The following RAB11FIP4 variants were observed in gnomAD, a reference collection of about 807,000 sequenced individuals.
The protein encoded by RAB11FIP4 is RAB11 family interacting protein 4, also known as rab11 family-interacting protein 4.
RAB11FIP4 carries 23 observed loss-of-function variants against 74.3 expected under a neutral mutation model. The observed-to-expected ratio is 0.31, with a 90% CI of 0.22 to 0.44. The LOEUF (loss-of-function observed/expected upper bound fraction) is 0.44. Among genes scored for constraint, RAB11FIP4 ranks in the 20% least tolerant of loss-of-function variants. The pLI, the probability that RAB11FIP4 is intolerant of heterozygous loss-of-function variation, is 1.00. For missense variants in RAB11FIP4, 630 were observed against 863.9 expected (o/e 0.73, Z 3.39); for synonymous variants, 360 against 359.9 (o/e 1.00, Z 0.00).
intron 1 of RAB11FIP4, among the ~76,000 whole-genome samples, chr17:31,408,810 C>T (rs114533647): frequency 0.022 from 3,316 of 152,198 alleles, 138 homozygotes; most frequent in African/African-American, 0.076. Flanking sequence ...GGGGCAGGGG[C>T]AGTGGTCTTA....
chr17:31,520,243 G>A (rs2072637378), intron 4 of RAB11FIP4, among the ~76,000 whole-genome samples: 1 of 152,104 alleles, frequency 6.6e-6, no homozygotes, highest in African/African-American at 2.4e-5. Flanking sequence ...TGAATACTAT[G>A]CCATTTCATA....
intron 3 of RAB11FIP4, chr17:31,488,164 G>A (rs913842723): frequency 1.9e-6 from 2 of 1,068,954 alleles, no homozygotes; most frequent in African/African-American, 1.7e-5. Flanking sequence ...CCTGCGCTTC[G>A]GGGCTGCCCG....
intron 1 of RAB11FIP4, among the ~76,000 whole-genome samples, chr17:31,425,731 T>G (rs1315177996): frequency 6.6e-6 from 1 of 152,130 alleles, no homozygotes; most frequent in Admixed American, 6.5e-5. Context: ...TGTGTGTGCT[T>G]CAGTGACAAC....
rs1335626490 is a variant in RAB11FIP4, at chr17:31,537,201, C to G, written c.*5469C>G. 1 of 399,368 alleles carries G rather than the reference C, an allele frequency of 2.5e-6. No individual in the cohort carries two copies. Among genetic ancestry groups the G allele is most frequent in the South Asian group, 1.3e-4 (1 of 7,854 alleles). The allele number at this position is 399,368 out of a possible 1,614,324, so 24.7% of individuals were successfully genotyped here. On this transcript the variant is annotated 3_prime_UTR_variant, in exon 15 of 15. Coordinates refer to ENST00000621161, the MANE Select transcript of RAB11FIP4 (RefSeq NM_032932.6). ...TTGCCCACTGCCTCCTTTTCTACAT[C>G]GTCTCATCTCCCTGGCCTTTCCCGA...
rs960177166 is a variant in RAB11FIP4, at chr17:31,535,003, GT to G, written c.*3278del. The G allele has an allele frequency of 4.5e-5, 7 of 153,996 alleles. No individual in the cohort carries two copies. Among genetic ancestry groups the G allele is most frequent in the Admixed American group, 6.5e-5 (1 of 15,288 alleles). The allele number at this position is 153,996 out of a possible 1,614,324, so 9.5% of individuals were successfully genotyped here. On this transcript the variant is annotated 3_prime_UTR_variant, in exon 15 of 15. Transcript: ENST00000621161. ...GCTTTAAGAAACTTCTAGTAAAAATGTTTTTTTCTTTTAGCTTTGAATTGGC... is the reference window on the plus strand; with the variant it reads ...GCTTTAAGAAACTTCTAGTAAAAATGTTTTTTCTTTTAGCTTTGAATTGGC...
intron 1 of RAB11FIP4, among the ~76,000 whole-genome samples, chr17:31,402,330 A>T (rs1040319675): frequency 6.6e-6 from 1 of 152,106 alleles, no homozygotes; most frequent in Non-Finnish European, 1.5e-5. Context: ...AAGTGTCTCC[A>T]TGTGGTGAAA....
In RAB11FIP4 at chr17:31,415,513, C is replaced by T. The variant is rs142346390; in HGVS notation, c.160-16300C>T. 1.3e-3 allele frequency among the ~76,000 whole-genome samples: 202 copies of T among 152,310 alleles called. 1 individual carries two copies. The highest frequency in any genetic ancestry group is 4.4e-3 in the African/African-American group (183 of 41,558). On this transcript the variant is annotated intron_variant, in intron 1 of 14. Coordinates refer to ENST00000621161, the MANE Select transcript of RAB11FIP4 (RefSeq NM_032932.6). The stretch of plus-strand genomic sequence containing the variant: ...AGTCCTCTGACCCCGTCTGCTTCTC[C>T]ACTCTGGTTTTCTTCTCTTCCTCCC...
chr17:31,515,417 C>T (rs1292490802), intron 3 of RAB11FIP4, among the ~76,000 whole-genome samples: 1 of 123,972 alleles, frequency 8.1e-6, no homozygotes, highest in East Asian at 2.1e-4. Flanking sequence ...ATCTGGTGCT[C>T]AGCCTATCAC....
At chr17:31,498,881 C>T (rs531560626) in intron 3 of RAB11FIP4, among the ~76,000 whole-genome samples, 3 of 152,336 alleles carry the variant, frequency 2.0e-5, no homozygotes, top group Non-Finnish European at 4.4e-5. Flanking sequence ...CATCGCTCCT[C>T]TTATCATGAT....
At chr17:31,498,343 CT>C (rs1352615910) in intron 3 of RAB11FIP4, among the ~76,000 whole-genome samples, 1 of 152,232 alleles carries the variant, frequency 6.6e-6, no homozygotes, top group Non-Finnish European at 1.5e-5. Context: ...GCTTGGGTAG[CT>C]GGGTCTAGCA....
intron 3 of RAB11FIP4, among the ~76,000 whole-genome samples, chr17:31,505,633 A>AATAAATAATTATTATAATAT (rs2072329159): frequency 1.4e-5 from 1 of 70,806 alleles, no homozygotes; most frequent in African/African-American, 4.7e-5. Flanking sequence ...ATAATTATAT[A>AATAAATAATTATTATAATAT]ATAATAATTA....
At position 31,391,836 on chromosome 17, in the gene RAB11FIP4, G is replaced by T. The variant is rs970410242; in HGVS notation, c.-17G>T. The stretch of plus-strand genomic sequence containing the variant: ...GCGGCGGGCGAGGGGTCCGGGCTGA[G>T]CTGCGGGCCGGCCCGGATGGCGGGC... On this transcript the variant is annotated 5_prime_UTR_variant, in exon 1 of 15. Coordinates refer to ENST00000621161, the MANE Select transcript of RAB11FIP4 (RefSeq NM_032932.6). The T allele has an allele frequency of 1.6e-4, 165 of 1,044,344 alleles. No individual in the cohort carries two copies. The highest frequency in any genetic ancestry group is 1.8e-4 in the Non-Finnish European group (161 of 870,994). The allele number at this position is 1,044,344 out of a possible 1,614,324, so 64.7% of individuals were successfully genotyped here. A position where few individuals can be genotyped will look rare whatever the true frequency, so the allele number is the denominator to read the frequency against.
intron 9 of RAB11FIP4, 30 bp from the exon 10 acceptor site, chr17:31,525,060 C>A: frequency 6.5e-7 from 1 of 1,549,730 alleles, no homozygotes. Context: ...GGTGCAGGCC[C>A]CAAGAGCTTG....
At chr17:31,451,859 T>C (rs905789504) in intron 3 of RAB11FIP4, among the ~76,000 whole-genome samples, 2 of 146,094 alleles carry the variant, frequency 1.4e-5, no homozygotes, top group Non-Finnish European at 3.0e-5. Context: ...AGCACCCTGC[T>C]TATTTCCTTG....
At chr17:31,411,775 C>T (rs550265737) in intron 1 of RAB11FIP4, among the ~76,000 whole-genome samples, 4 of 152,354 alleles carry the variant, frequency 2.6e-5, no homozygotes, top group East Asian at 3.9e-4. Flanking sequence ...CCCTGCCATA[C>T]GGGCCCTGAG....
At chr17:31,412,282 C>A (rs891648590) in intron 1 of RAB11FIP4, among the ~76,000 whole-genome samples, 5 of 152,164 alleles carry the variant, frequency 3.3e-5, no homozygotes, top group African/African-American at 1.2e-4. Context: ...GCTCTAGATC[C>A]CCAGAGCAGG....
chr17:31,467,084 A>T (rs923244268), intron 3 of RAB11FIP4, among the ~76,000 whole-genome samples: 1 of 148,264 alleles, frequency 6.7e-6, no homozygotes, highest in African/African-American at 2.6e-5. Context: ...TCCTGCATCT[A>T]GCTCCTGAGT....
At position 31,459,851 on chromosome 17, in the gene RAB11FIP4, T is replaced by A. The variant is rs540256473; in HGVS notation, c.336+25729T>A. Among the ~76,000 whole-genome samples, 9 of 151,946 alleles carry A rather than the reference T, an allele frequency of 5.9e-5. No homozygotes were observed. In the South Asian group the frequency reaches 1.9e-3, roughly 32 times the overall value. On this transcript the variant is annotated intron_variant, in intron 3 of 14. Transcript: ENST00000621161. ...TGCCCCAGAGGGGCTCCTCTGTTGT[T>A]CTGGACACAGGGGTGGCTGGGACTT...
At chr17:31,504,964 T>C (rs949856042) in intron 3 of RAB11FIP4, among the ~76,000 whole-genome samples, 4 of 152,226 alleles carry the variant, frequency 2.6e-5, no homozygotes, top group African/African-American at 9.7e-5. Flanking sequence ...ATCTTCCCTG[T>C]GGTGATGTGT....
Sources: allele counts gnomAD v4.1 joint callset (sites outside exome capture counted in the v4.1 genomes callset), GRCh38; gene constraint gnomAD v4.1.1; transcripts MANE v1.5; gene names NCBI Gene and HGNC (gene_info 2026-07-23, HGNC 2026-07-21).